GMPR: variants seen among roughly 807,000 people sequenced by gnomAD.
GMPR encodes the protein guanosine monophosphate reductase.
Under a neutral mutation model 38.4 loss-of-function variants are expected in GMPR, and 31 were observed. The ratio of observed to expected loss-of-function variants is 0.81; its 90% CI spans 0.61 to 1.09. GMPR has a LOEUF of 1.09. GMPR is among the 50% of genes least tolerant of loss of function. GMPR has a pLI of 0.00. For synonymous variants in GMPR, 162 were observed against 173.3 expected (o/e 0.93, Z 0.51); for missense variants, 468 against 453.7 (o/e 1.03, Z -0.29).
chr6:16,290,294 C>T, intron 7 of GMPR, 168 bp from the exon 8 acceptor site: 3 of 679,518 alleles, frequency 4.4e-6, no homozygotes, highest in Non-Finnish European at 7.9e-6. Context: ...GCATGGAAGC[C>T]TTCTCCCTTT....
intron 8 of GMPR, among the ~76,000 whole-genome samples, chr6:16,291,349 G>A (rs1215913428): frequency 2.0e-5 from 3 of 151,714 alleles, no homozygotes; most frequent in South Asian, 2.1e-4. Flanking sequence ...TCAGCCTCCC[G>A]AATAACTGGG....
chr6:16,258,428 C>A (rs1186472618), intron 4 of GMPR, among the ~76,000 whole-genome samples: 1 of 152,126 alleles, frequency 6.6e-6, no homozygotes, highest in African/African-American at 2.4e-5. Context: ...AAGGAGGGGG[C>A]TGGGTAAGAC....
At chr6:16,268,507 G>T (rs944125372) in intron 4 of GMPR, among the ~76,000 whole-genome samples, 2 of 152,140 alleles carry the variant, frequency 1.3e-5, no homozygotes, top group African/African-American at 4.8e-5. Context: ...TCGAACTCCT[G>T]ACCTCAGGTG....
chr6:16,257,492 T>C (rs1759004282), intron 4 of GMPR, among the ~76,000 whole-genome samples: 1 of 152,218 alleles, frequency 6.6e-6, no homozygotes, highest in African/African-American at 2.4e-5. Context: ...AGCTAATCTT[T>C]AATATCATTT....
At chr6:16,272,905 C>A (rs1759410239) in intron 4 of GMPR, among the ~76,000 whole-genome samples, 1 of 152,110 alleles carries the variant, frequency 6.6e-6, no homozygotes, top group Non-Finnish European at 1.5e-5. Context: ...CTCGAGCAAT[C>A]CACTTACCTC....
intron 8 of GMPR, among the ~76,000 whole-genome samples, chr6:16,293,166 C>T (rs1402002939): frequency 6.6e-6 from 1 of 152,126 alleles, no homozygotes; most frequent in Admixed American, 6.5e-5. Flanking sequence ...CACGCTGTGC[C>T]CGGGAGGCAA....
chr6:16,265,774 C>G (rs528282466), intron 4 of GMPR, among the ~76,000 whole-genome samples: 48 of 152,326 alleles, frequency 3.2e-4, no homozygotes, highest in Admixed American at 2.2e-3. Context: ...GGAATAAAAG[C>G]TGGCTGCTGG....
intron 1 of GMPR, among the ~76,000 whole-genome samples, chr6:16,244,416 T>G (rs1300386134): frequency 6.6e-6 from 1 of 152,080 alleles, no homozygotes; most frequent in Non-Finnish European, 1.5e-5. Context: ...GGTTTCACCG[T>G]GTTGCCCAGG....
intron 4 of GMPR, among the ~76,000 whole-genome samples, chr6:16,256,141 A>G (rs1005789598): frequency 2.0e-5 from 3 of 149,776 alleles, no homozygotes; most frequent in Admixed American, 1.3e-4. Flanking sequence ...TCTTGAACCC[A>G]GGAGGTGAAG....
At chr6:16,285,613 A>G (rs1258502898) in intron 6 of GMPR, among the ~76,000 whole-genome samples, 180 bp from the exon 7 acceptor site, 1 of 152,132 alleles carries the variant, frequency 6.6e-6, no homozygotes, top group Non-Finnish European at 1.5e-5. Flanking sequence ...GAAAGGTGCA[A>G]TATTGAGGGG....
rs6926552 is a variant in GMPR, at chr6:16,290,631, T to C, written c.857+10T>C. The C allele has an allele frequency of 0.22, 361,024 of 1,609,484 alleles. 43,684 individuals carry two copies. The highest frequency in any genetic ancestry group is 0.44 in the African/African-American group (32,720 of 74,818). On this transcript the variant is annotated intron_variant, in intron 8 of 8. Coordinates refer to ENST00000259727, the MANE Select transcript of GMPR (RefSeq NM_006877.4). ...GAGTTGCTGAGTACAGGTGAGGAGG[T>C]GACCCCGGGGCGCACCCTCGAGGCC...
At chr6:16,246,570 A>G (rs953089016) in intron 1 of GMPR, among the ~76,000 whole-genome samples, 16 of 152,138 alleles carry the variant, frequency 1.1e-4, no homozygotes, top group African/African-American at 3.9e-4. Flanking sequence ...GGCGAAGATA[A>G]CATGTATGTG....
chr6:16,242,647 A>AT (rs1183902813), intron 1 of GMPR, among the ~76,000 whole-genome samples: 13 of 151,488 alleles, frequency 8.6e-5, no homozygotes, highest in East Asian at 7.8e-4. Flanking sequence ...TTTTTTATTT[A>AT]TTTTTTTTGA....
At chr6:16,241,338 C>T (rs972560156) in intron 1 of GMPR, among the ~76,000 whole-genome samples, 7 of 152,166 alleles carry the variant, frequency 4.6e-5, no homozygotes, top group South Asian at 2.1e-4. Flanking sequence ...TAGCAGGAAA[C>T]GGACAGTAAG....
Position 16,274,569 on chromosome 6 carries a change from G to C in GMPR, c.547+73G>C, listed in dbSNP as rs905309149. ...GGATCTGGGGCTTGCGGGGACTGCAGATCACTGGAGGGGATGCATGAATGA... is the reference window on the plus strand; with the variant it reads ...GGATCTGGGGCTTGCGGGGACTGCACATCACTGGAGGGGATGCATGAATGA... On this transcript the variant is annotated intron_variant, in intron 5 of 8. Transcript: ENST00000259727. The C allele has an allele frequency of 7.0e-5, 58 of 833,808 alleles. No individual in the cohort carries two copies. The African/African-American group carries it at 8.3e-4, about 12-fold the overall frequency. The allele number at this position is 833,808 out of a possible 1,614,324, so 51.7% of individuals were successfully genotyped here.
intron 3 of GMPR, among the ~76,000 whole-genome samples, chr6:16,251,361 G>A (rs768502165): frequency 8.5e-5 from 13 of 152,160 alleles, no homozygotes; most frequent in Non-Finnish European, 1.5e-4. Context: ...ACCTGAGGTC[G>A]GGAGTTCGAG....
chr6:16,244,983 G>A (rs778473338), intron 1 of GMPR, among the ~76,000 whole-genome samples: 21 of 152,146 alleles, frequency 1.4e-4, no homozygotes, highest in Admixed American at 3.3e-4. Flanking sequence ...TGTGATCTCA[G>A]CCGGGTGCAG....
intron 4 of GMPR, among the ~76,000 whole-genome samples, chr6:16,273,588 A>C (rs978626737): frequency 3.9e-5 from 6 of 152,110 alleles, no homozygotes; most frequent in African/African-American, 1.4e-4. Flanking sequence ...GTGGTCCATG[A>C]GGGCTCATCT....
chr6:16,278,941 C>A, intron 6 of GMPR, 51 bp downstream of exon 6: 1 of 1,099,812 alleles, frequency 9.1e-7, no homozygotes. Flanking sequence ...GGCCCCTGCT[C>A]CCTCGCTGCT....
Sources: gnomAD v4.1 joint callset for allele counts (sites outside exome capture counted in the v4.1 genomes callset) on GRCh38, gnomAD v4.1.1 for gene constraint, MANE v1.5 for transcripts, NCBI Gene and HGNC (gene_info 2026-07-23, HGNC 2026-07-21) for gene names.